C10orf90: variants seen among roughly 807,000 people sequenced by gnomAD.
C10orf90 encodes (E2-independent) E3 ubiquitin-conjugating enzyme FATS.
A neutral mutation model predicts 62.5 loss-of-function variants in C10orf90; 56 were observed. The ratio of observed to expected loss-of-function variants is 0.90; its 90% CI spans 0.72 to 1.12. The LOEUF (loss-of-function observed/expected upper bound fraction) is 1.12, where lower values mean the gene tolerates loss of function less well. Among genes scored for constraint, C10orf90 ranks in the 50% most tolerant of loss-of-function variants. The pLI is 0.00. For missense variants in C10orf90, 970 were observed against 880.4 expected (o/e 1.10, Z -1.29); for synonymous variants, 386 against 340.4 (o/e 1.13, Z -1.47).
At chr10:126,481,992 C>T (rs1020044846) in intron 4 of C10orf90, among the ~76,000 whole-genome samples, 3 of 152,196 alleles carry the variant, frequency 2.0e-5, no homozygotes, top group Admixed American at 6.5e-5. Flanking sequence ...GAAGCCAAGA[C>T]GAGTCTGAAC....
intron 7 of C10orf90, among the ~76,000 whole-genome samples, chr10:126,457,866 C>G (rs1859684680): frequency 6.6e-6 from 1 of 152,180 alleles, no homozygotes; most frequent in Non-Finnish European, 1.5e-5. Context: ...CCCATTGAAC[C>G]TTTATCTGCC....
chr10:126,598,689 T>A (rs1845134765), intron 2 of C10orf90, among the ~76,000 whole-genome samples: 1 of 152,188 alleles, frequency 6.6e-6, no homozygotes, highest in Admixed American at 6.5e-5. Flanking sequence ...GAAGCAATCA[T>A]CAACTCACGG....
intron 1 of C10orf90, among the ~76,000 whole-genome samples, chr10:126,659,859 G>A (rs1846472998): frequency 6.6e-6 from 1 of 152,182 alleles, no homozygotes; most frequent in Non-Finnish European, 1.5e-5. Flanking sequence ...CATGCACCCT[G>A]GCCCCAGGTG....
At chr10:126,568,169 G>A (rs769166290) in intron 2 of C10orf90, among the ~76,000 whole-genome samples, 14 of 152,130 alleles carry the variant, frequency 9.2e-5, no homozygotes, top group Non-Finnish European at 1.6e-4. Flanking sequence ...CCTCAGAATA[G>A]CACATGTTTA....
chr10:126,444,725 G>C (rs1858632445), intron 7 of C10orf90, among the ~76,000 whole-genome samples: 1 of 152,028 alleles, frequency 6.6e-6, no homozygotes, highest in Non-Finnish European at 1.5e-5. Flanking sequence ...CCAAGACTAA[G>C]CAAAACAAAT....
intron 2 of C10orf90, among the ~76,000 whole-genome samples, chr10:126,634,834 C>A (rs1178411102): frequency 1.3e-5 from 2 of 152,176 alleles, no homozygotes; most frequent in African/African-American, 2.4e-5. Context: ...TATTTTCACC[C>A]AGACACTGAC....
intron 2 of C10orf90, among the ~76,000 whole-genome samples, chr10:126,533,382 T>C (rs190624466): frequency 6.6e-6 from 1 of 152,278 alleles, no homozygotes; most frequent in African/African-American, 2.4e-5. Flanking sequence ...AAAATTAAGA[T>C]CAAGGTGATA....
chr10:126,490,900 G>A (rs566780768), intron 4 of C10orf90, among the ~76,000 whole-genome samples: 1 of 152,040 alleles, frequency 6.6e-6, no homozygotes, highest in African/African-American at 2.4e-5. Flanking sequence ...TAAAAAAATT[G>A]TTCCTATATA....
At chr10:126,559,167 C>A (rs1864846325) in intron 2 of C10orf90, among the ~76,000 whole-genome samples, 1 of 152,356 alleles carries the variant, frequency 6.6e-6, no homozygotes, top group Non-Finnish European at 1.5e-5. Flanking sequence ...CCTCATAGGC[C>A]AATGCCTATG....
intron 2 of C10orf90, among the ~76,000 whole-genome samples, chr10:126,566,081 G>A (rs867480018): frequency 3.3e-5 from 5 of 152,188 alleles, no homozygotes; most frequent in African/African-American, 4.8e-5. Flanking sequence ...CCAGCCAGGT[G>A]TAGGACTGAC....
chr10:126,605,237 T>A (rs1206436034), intron 2 of C10orf90, among the ~76,000 whole-genome samples: 1 of 152,208 alleles, frequency 6.6e-6, no homozygotes, highest in African/African-American at 2.4e-5. Flanking sequence ...GAGGGGCGTG[T>A]GCTTTGGTGC....
chr10:126,551,970 G>A (rs958542872), intron 2 of C10orf90, among the ~76,000 whole-genome samples: 31 of 152,304 alleles, frequency 2.0e-4, no homozygotes, highest in African/African-American at 7.2e-4. Context: ...TCCAGTTTTT[G>A]GAGATAGAGC....
At chr10:126,507,230 G>A (rs1035763648) in intron 3 of C10orf90, among the ~76,000 whole-genome samples, 4 of 151,602 alleles carry the variant, frequency 2.6e-5, no homozygotes, top group African/African-American at 4.8e-5. Flanking sequence ...GGTGGCAGGC[G>A]CCTGTAGTCC....
intron 1 of C10orf90, among the ~76,000 whole-genome samples, chr10:126,647,419 G>A (rs1846193639): frequency 6.6e-6 from 1 of 152,210 alleles, no homozygotes; most frequent in African/African-American, 2.4e-5. Flanking sequence ...CAGTCCCGAA[G>A]CTGAGTTAAA....
chr10:126,435,761 C>A (rs1375517611), intron 7 of C10orf90, among the ~76,000 whole-genome samples: 3 of 152,108 alleles, frequency 2.0e-5, no homozygotes, highest in African/African-American at 7.2e-5. Flanking sequence ...TGTCCTCAGT[C>A]CCCTTCACTT....
At chr10:126,489,775 C>A (rs181960793) in intron 4 of C10orf90, among the ~76,000 whole-genome samples, 1 of 151,064 alleles carries the variant, frequency 6.6e-6, no homozygotes, top group East Asian at 1.9e-4. Flanking sequence ...CTTGCATATC[C>A]CTTGTGCAGC....
Position 126,504,442 on chromosome 10 carries a change from T to C in C10orf90, c.1049A>G (p.His350Arg), listed in dbSNP as rs753514506. The C allele has an allele frequency of 5.5e-5, 89 of 1,614,058 alleles. No homozygotes were observed. The highest frequency in any genetic ancestry group is 6.9e-5 in the Non-Finnish European group (82 of 1,180,038). The change falls in exon 4 of 10, where the codon CAC becomes CGC. Residue 350 changes from histidine (H) to arginine (R), a missense_variant. His to Arg is a conservative substitution (Grantham distance 29, BLOSUM62 0). Transcript: ENST00000488181. This position sits in a 1 kb window ranked among gnomAD's most constrained non-coding sequence, Gnocchi z 4.1. Reference protein sequence around the residue: ...KSPLVFSSCVHLRVSQQCPDS... With the variant: ...KSPLVFSSCVRLRVSQQCPDS... ...TGGACACTGCTGAGACACCCTGAGG[T>C]GGACACAGGAACTGAACACCAGCGG...
At chr10:126,476,555 C>T (rs1860880480) in intron 4 of C10orf90, among the ~76,000 whole-genome samples, 1 of 152,228 alleles carries the variant, frequency 6.6e-6, no homozygotes, top group South Asian at 2.1e-4. Context: ...TCTCCTGTGA[C>T]TGCGAGGCTT....
Position 126,565,327 on chromosome 10 carries a change from AT to A in C10orf90, c.314-51389del, listed in dbSNP as rs1447027620. On this transcript the variant is annotated intron_variant, in intron 2 of 9. Coordinates refer to ENST00000488181, the MANE Select transcript of C10orf90 (RefSeq NM_001350921.2). ...ATATATTATATTATATATATTATAT[AT>A]TTATATTATATATAATATATAATAT... is the stretch of plus-strand genomic sequence containing the variant. Among the ~76,000 whole-genome samples the A allele has an allele frequency of 6.9e-3, 338 of 49,058 alleles. 1 individual carries two copies. The highest frequency in any genetic ancestry group is 0.023 in the African/African-American group (229 of 9,784). 32.2% of individuals were successfully genotyped at this position (49,058 alleles called of 152,430 possible). A position where few individuals can be genotyped will look rare whatever the true frequency, so the allele number is the denominator to read the frequency against.
Sources: allele counts gnomAD v4.1 joint callset (sites outside exome capture counted in the v4.1 genomes callset), GRCh38; gene constraint gnomAD v4.1.1; non-coding constraint Gnocchi (gnomAD v3.1); transcripts MANE v1.5; gene names NCBI Gene and HGNC (gene_info 2026-07-23, HGNC 2026-07-21).